NCSTN: variants seen among roughly 807,000 people sequenced by gnomAD.
NCSTN encodes the protein anterior pharynx-defective 2.
NCSTN carries 22 observed loss-of-function variants against 87.0 expected under a neutral mutation model. That is an observed-to-expected ratio of 0.25 (90% CI 0.18 to 0.36). The LOEUF is 0.36. Among genes scored for constraint, NCSTN ranks in the 10% least tolerant of loss-of-function variants. The pLI is 1.00. For synonymous variants in NCSTN, 306 were observed against 327.1 expected (o/e 0.94, Z 0.69); for missense variants, 693 against 883.3 (o/e 0.78, Z 2.73).
Position 160,358,285 on chromosome 1 carries a change from T to G in NCSTN, c.*14T>G. 6.2e-7 allele frequency: 1 copy of G among 1,614,026 alleles called. No homozygotes were observed. Among genetic ancestry groups the G allele is most frequent in the Middle Eastern group, 1.6e-4 (1 of 6,062 alleles). The stretch of plus-strand genomic sequence containing the variant: ...GTGTCATACTGAGGAGGACCCCAGC[T>G]TTTCTTGCCAGCTCAGCAGTTCACT... On this transcript the variant is annotated 3_prime_UTR_variant, in exon 17 of 17. Transcript: ENST00000294785.
intron 6 of NCSTN, 150 bp downstream of exon 6, chr1:160,351,522 T>C (rs1214207857): frequency 1.5e-6 from 2 of 1,334,500 alleles, no homozygotes; most frequent in Non-Finnish European, 2.1e-6. Context: ...TTCTGAAAAA[T>C]TTAGGCAGCT....
intron 13 of NCSTN, 129 bp from the exon 14 acceptor site, chr1:160,356,131 T>C (rs45503695): frequency 0.083 from 85,343 of 1,023,282 alleles, 5,044 homozygotes; most frequent in African/African-American, 0.28. Context: ...ATGAGCCAGC[T>C]ACTGTCTCCC....
intron 5 of NCSTN, 150 bp from the exon 6 acceptor site, chr1:160,351,072 G>A: frequency 1.2e-6 from 1 of 822,194 alleles, no homozygotes; most frequent in South Asian, 1.4e-5. Context: ...TCCTATGGTG[G>A]TTCTAGGATA....
chr1:160,356,106 C>A, intron 13 of NCSTN, 148 bp downstream of exon 13: 1 of 1,002,282 alleles, frequency 1.0e-6, no homozygotes, highest in Non-Finnish European at 1.5e-6. Flanking sequence ...CTTGGGTGGG[C>A]CTCATCTGCA....
At chr1:160,343,528 G>A (rs1571193382) in intron 1 of NCSTN, 47 bp downstream of exon 1, 1 of 1,538,458 alleles carries the variant, frequency 6.5e-7, no homozygotes, top group Non-Finnish European at 8.8e-7. Context: ...GGGAACTCTC[G>A]GATCGGCCCC....
chr1:160,346,875 G>A (rs190868230), intron 2 of NCSTN, among the ~76,000 whole-genome samples: 1,641 of 152,320 alleles, frequency 0.011, 12 homozygotes, highest in Middle Eastern at 0.024. Context: ...AAAGTGCTGG[G>A]ATTACAGGCA....
chr1:160,351,095 G>A, intron 5 of NCSTN, 127 bp from the exon 6 acceptor site: 1 of 952,576 alleles, frequency 1.0e-6, no homozygotes, highest in Non-Finnish European at 1.7e-6. Flanking sequence ...TATAGCTCAG[G>A]GATAAATGTC....
chr1:160,349,120 C>A lies in NCSTN; in HGVS notation c.312C>A (p.Thr104=). ...TTCTGCTGGAGAGCAAGCATTTTACCAGGTAAGAACTAGATGTATCTGCTG... is the reference window on the plus strand; with the variant it reads ...TTCTGCTGGAGAGCAAGCATTTTACAAGGTAAGAACTAGATGTATCTGCTG... The part of the protein sequence containing the change: ...YMVLLESKHF[T]RDLMEKLKGR... The change falls in exon 3 of 17, where the codon ACC becomes ACA. Residue 104 remains threonine, a splice_region_variant and synonymous_variant. Transcript: ENST00000294785. 6.2e-7 allele frequency: 1 copy of A among 1,614,132 alleles called. No individual in the cohort carries two copies.
At chr1:160,354,326 TGAA>T (rs571868808) in intron 11 of NCSTN, 36 bp downstream of exon 11, 1,707 of 1,607,700 alleles carry the variant, frequency 1.1e-3, no homozygotes, top group Non-Finnish European at 1.3e-3. Flanking sequence ...TCTTCATTCT[TGAA>T]GAGAGTCTAT....
chr1:160,353,424 C>T, intron 10 of NCSTN, 187 bp downstream of exon 10: 9 of 1,490,704 alleles, frequency 6.0e-6, no homozygotes, highest in Non-Finnish European at 8.0e-6. Flanking sequence ...AACTCAGTGA[C>T]ATTCCATTGG....
In NCSTN at chr1:160,348,991, C is replaced by T. The variant is rs751565951; in HGVS notation, c.191-8C>T. On this transcript the variant is annotated splice_region_variant and splice_polypyrimidine_tract_variant and intron_variant, in intron 2 of 16. Transcript: ENST00000294785. ...GGAGCTTTAATTTGACTCATTCTGT[C>T]CTGGCAGCTTCAATTAGTGGAGACA... 1.9e-6 allele frequency: 3 copies of T among 1,614,128 alleles called. No individual in the cohort carries two copies. Among genetic ancestry groups the T allele is most frequent in the Non-Finnish European group, 2.5e-6 (3 of 1,180,024 alleles).
chr1:160,344,311 T>C (rs1187637759), intron 1 of NCSTN, among the ~76,000 whole-genome samples: 1 of 152,152 alleles, frequency 6.6e-6, no homozygotes, highest in Non-Finnish European at 1.5e-5. Context: ...GTTCACACTC[T>C]TGGAAAAATG....
intron 2 of NCSTN, among the ~76,000 whole-genome samples, chr1:160,345,363 T>C: frequency 6.6e-6 from 1 of 152,056 alleles, no homozygotes. Flanking sequence ...CAGCTAATTT[T>C]TGTATTTTTA....
chr1:160,354,537 C>T (rs1699235045), intron 11 of NCSTN, among the ~76,000 whole-genome samples: 1 of 152,108 alleles, frequency 6.6e-6, no homozygotes, highest in South Asian at 2.1e-4. Context: ...GTTATGGTTC[C>T]ACTGCTCCCT....
At chr1:160,348,855 C>G in intron 2 of NCSTN, 144 bp from the exon 3 acceptor site, 1 of 1,163,964 alleles carries the variant, frequency 8.6e-7, no homozygotes, top group Non-Finnish European at 1.3e-6. Flanking sequence ...GGGGCAACAG[C>G]TTTTCAGTTC....
chr1:160,356,425 AT>A (rs71090308), intron 14 of NCSTN, 78 bp downstream of exon 14: 28 of 1,459,674 alleles, frequency 1.9e-5, no homozygotes, highest in Admixed American at 1.2e-4. Context: ...AACCTTTATT[AT>A]TTTTTTTCTT....
At chr1:160,357,316 G>A (rs769391643) in intron 16 of NCSTN, 63 bp downstream of exon 16, 10 of 1,451,748 alleles carry the variant, frequency 6.9e-6, no homozygotes, top group Admixed American at 1.9e-5. Context: ...GCTTTCTTGT[G>A]TCATATAGCC....
intron 1 of NCSTN, chr1:160,343,821 T>G: frequency 1.8e-6 from 1 of 565,914 alleles, no homozygotes. Flanking sequence ...GTTAGCTTTC[T>G]TCCTCGCGTT....
At chr1:160,356,075 T>C in intron 13 of NCSTN, 117 bp downstream of exon 13, 1 of 1,114,066 alleles carries the variant, frequency 9.0e-7, no homozygotes. Flanking sequence ...CCGGTGAGAA[T>C]GCCTCATGCC....
Sources: allele counts gnomAD v4.1 joint callset (sites outside exome capture counted in the v4.1 genomes callset), GRCh38; gene constraint gnomAD v4.1.1; transcripts MANE v1.5; gene names NCBI Gene and HGNC (gene_info 2026-07-23, HGNC 2026-07-21).